CPPED1: variants seen among roughly 807,000 people sequenced by gnomAD.
The protein encoded by CPPED1 is serine/threonine-protein phosphatase CPPED1.
CPPED1 carries 28 observed loss-of-function variants against 28.0 expected under a neutral mutation model. The ratio of observed to expected loss-of-function variants is 1.00; its 90% CI spans 0.74 to 1.37. The LOEUF (loss-of-function observed/expected upper bound fraction) is 1.37. Ranked by LOEUF, CPPED1 falls within the 40% of genes most tolerant of loss-of-function variation. The pLI is 0.00. For missense variants in CPPED1, 504 were observed against 416.5 expected, an observed-to-expected ratio of 1.21 and a Z score of -1.83; for synonymous variants, 198 against 180.2, an observed-to-expected ratio of 1.10 and a Z score of -0.79.
At chr16:12,666,397 A>G (rs889143731) in intron 3 of CPPED1, among the ~76,000 whole-genome samples, 6 of 152,222 alleles carry the variant, frequency 3.9e-5, no homozygotes, top group Non-Finnish European at 7.3e-5. Context: ...TGGGGAAAAT[A>G]AAGCCTGGCT....
intron 1 of CPPED1, among the ~76,000 whole-genome samples, chr16:12,793,399 C>G (rs1437878918): frequency 6.6e-6 from 1 of 152,136 alleles, no homozygotes; most frequent in Non-Finnish European, 1.5e-5. Context: ...TGACAACAGA[C>G]TTTGGGCCTC....
chr16:12,680,990 C>T (rs76358849), intron 3 of CPPED1, among the ~76,000 whole-genome samples: 296 of 152,136 alleles, frequency 1.9e-3, no homozygotes, highest in African/African-American at 6.8e-3. Flanking sequence ...GATTCTCTTC[C>T]TCTTTCTTTC....
chr16:12,693,230 T>C (rs1244624694), intron 3 of CPPED1, among the ~76,000 whole-genome samples: 1 of 151,982 alleles, frequency 6.6e-6, no homozygotes, highest in Non-Finnish European at 1.5e-5. Flanking sequence ...CTTTTGAGAG[T>C]CTCACTCTGT....
intron 3 of CPPED1, among the ~76,000 whole-genome samples, chr16:12,681,512 T>C (rs1037397526): frequency 2.0e-5 from 3 of 152,166 alleles, no homozygotes; most frequent in African/African-American, 7.2e-5. Context: ...TAAGACACCA[T>C]GTAAATTACA....
intron 1 of CPPED1, among the ~76,000 whole-genome samples, chr16:12,788,554 G>T (rs1772640243): frequency 6.6e-6 from 1 of 152,044 alleles, no homozygotes; most frequent in South Asian, 2.1e-4. Flanking sequence ...TTAAACCAAG[G>T]GGGAGATGCT....
At chr16:12,755,304 C>T (rs544689774) in intron 2 of CPPED1, among the ~76,000 whole-genome samples, 334 of 109,178 alleles carry the variant, frequency 3.1e-3, no homozygotes, top group Non-Finnish European at 4.6e-3. Flanking sequence ...TTTTTTGAGA[C>T]AAGGTCTCCC....
intron 1 of CPPED1, among the ~76,000 whole-genome samples, chr16:12,792,777 A>C (rs1040387474): frequency 6.6e-6 from 1 of 152,156 alleles, no homozygotes; most frequent in Non-Finnish European, 1.5e-5. Context: ...CTTGCCTGCC[A>C]CCATGTAAGA....
intron 2 of CPPED1, among the ~76,000 whole-genome samples, chr16:12,779,413 G>C (rs1196292117): frequency 6.6e-6 from 1 of 150,682 alleles, no homozygotes; most frequent in Non-Finnish European, 1.5e-5. Context: ...TTGAGACTAA[G>C]CTTCCCGCTC....
intron 1 of CPPED1, among the ~76,000 whole-genome samples, chr16:12,793,700 C>G (rs939172643): frequency 6.6e-6 from 1 of 152,140 alleles, no homozygotes; most frequent in African/African-American, 2.4e-5. Flanking sequence ...TAACCCCTAC[C>G]CTTATCTTAG....
chr16:12,730,877 T>A (rs947822156), intron 2 of CPPED1, among the ~76,000 whole-genome samples: 2 of 152,214 alleles, frequency 1.3e-5, no homozygotes, highest in Non-Finnish European at 1.5e-5. Context: ...AGCTCTTTAC[T>A]TCACATTACC....
chr16:12,704,424 G>A (rs2080036431), intron 3 of CPPED1, among the ~76,000 whole-genome samples, 200 bp downstream of exon 3: 1 of 152,150 alleles, frequency 6.6e-6, no homozygotes, highest in Non-Finnish European at 1.5e-5. Context: ...TACTATTCCT[G>A]TTTTATAGAC....
At chr16:12,684,114 C>A (rs9923547) in intron 3 of CPPED1, among the ~76,000 whole-genome samples, 60,290 of 152,060 alleles carry the variant, frequency 0.4, 17,056 homozygotes, top group African/African-American at 0.81. Flanking sequence ...GGTCTGGAGA[C>A]GGAGTGTTTC....
chr16:12,665,969 T>C (rs2079823384), intron 3 of CPPED1, among the ~76,000 whole-genome samples: 1 of 151,358 alleles, frequency 6.6e-6, no homozygotes, highest in Non-Finnish European at 1.5e-5. Context: ...ATAAAAAAAT[T>C]AGGAGGGCCT....
intron 2 of CPPED1, among the ~76,000 whole-genome samples, chr16:12,764,692 CCA>C (rs1410679805): frequency 6.6e-6 from 1 of 152,134 alleles, no homozygotes; most frequent in Admixed American, 6.5e-5. Flanking sequence ...CAGTCGTGCT[CCA>C]GTTTCAACGG....
intron 3 of CPPED1, among the ~76,000 whole-genome samples, chr16:12,671,013 G>C (rs2079850349): frequency 6.6e-6 from 1 of 151,924 alleles, no homozygotes; most frequent in South Asian, 2.1e-4. Context: ...ACCATGCCCA[G>C]CTCACTTTTG....
chr16:12,779,954 G>A (rs2080520144), intron 2 of CPPED1, among the ~76,000 whole-genome samples: 2 of 152,116 alleles, frequency 1.3e-5, no homozygotes, highest in South Asian at 4.2e-4. Flanking sequence ...TGCTTGCTGG[G>A]CTTTATCTTT....
At chr16:12,735,605 C>T (rs1463632572) in intron 2 of CPPED1, among the ~76,000 whole-genome samples, 1 of 152,078 alleles carries the variant, frequency 6.6e-6, no homozygotes, top group Non-Finnish European at 1.5e-5. Flanking sequence ...TGCCTGGCAC[C>T]CTAAAGATAA....
At position 12,704,930 on chromosome 16, in the gene CPPED1, C is replaced by T. The variant is rs201640855; in HGVS notation, c.409G>A (p.Glu137Lys). ...NHDIGNTPTA[E>K]TVEEFCRTWG... ...GTCCGGCAGAACTCCTCGACGGTCT[C>T]GGCCGTGGGGGTGTTGCCAATGTCA... The change falls in exon 3 of 4, where the codon GAG becomes AAG. Residue 137 changes from glutamate to lysine, a missense_variant. Transcript: ENST00000381774. 5.4e-5 allele frequency: 87 copies of T among 1,614,142 alleles called. No homozygotes were observed. Among genetic ancestry groups the T allele is most frequent in the African/African-American group, 1.6e-4 (12 of 75,024 alleles).
chr16:12,688,282 T>C (rs559267054), intron 3 of CPPED1, among the ~76,000 whole-genome samples: 28 of 151,604 alleles, frequency 1.8e-4, no homozygotes, highest in African/African-American at 6.8e-4. Flanking sequence ...GGAGAGAAAT[T>C]TAAGTAATAA....
Sources: allele counts gnomAD v4.1 joint callset (sites outside exome capture counted in the v4.1 genomes callset), GRCh38; gene constraint gnomAD v4.1.1; transcripts MANE v1.5; gene names NCBI Gene and HGNC (gene_info 2026-07-23, HGNC 2026-07-21).